CSMD1: variants seen among roughly 807,000 people sequenced by gnomAD.
CSMD1 encodes the protein CUB and sushi domain-containing protein 1.
A neutral mutation model predicts 417.5 loss-of-function variants in CSMD1; 213 were observed. That is an observed-to-expected ratio of 0.51 (90% CI 0.46 to 0.57). The LOEUF (loss-of-function observed/expected upper bound fraction) is 0.57. Ranked by LOEUF, CSMD1 falls within the 20% of genes least tolerant of loss-of-function variation. The probability of loss-of-function intolerance (pLI) is 0.00; values close to 1 mark genes in which losing one functional copy is unlikely to be tolerated. For missense variants in CSMD1, 6,923 were observed against 4,529.7 expected (o/e 1.53, Z -15.17); for synonymous variants, 2,862 against 1,736.8 (o/e 1.65, Z -16.11).
chr8:3,693,796 T>C (rs1418069524), intron 7 of CSMD1, among the ~76,000 whole-genome samples: 1 of 151,574 alleles, frequency 6.6e-6, no homozygotes, highest in Admixed American at 6.6e-5. Context: ...TGTGTTGGCG[T>C]CGTGTGTGTG....
At chr8:4,232,609 G>C (rs907550668) in intron 3 of CSMD1, among the ~76,000 whole-genome samples, 1 of 152,132 alleles carries the variant, frequency 6.6e-6, no homozygotes, top group East Asian at 1.9e-4. Context: ...ACAGTGTCAT[G>C]TCTTGCTGCA....
At chr8:4,524,474 G>A (rs1055897612) in intron 2 of CSMD1, among the ~76,000 whole-genome samples, 1 of 152,154 alleles carries the variant, frequency 6.6e-6, no homozygotes, top group African/African-American at 2.4e-5. Flanking sequence ...GCTGAGTGAG[G>A]CCACGTTGGT....
At chr8:4,467,649 C>T (rs887289440) in intron 2 of CSMD1, among the ~76,000 whole-genome samples, 41 of 152,196 alleles carry the variant, frequency 2.7e-4, no homozygotes, top group Admixed American at 9.8e-4. Flanking sequence ...CTTGTTTTAC[C>T]TTTCTTGTCC....
intron 2 of CSMD1, among the ~76,000 whole-genome samples, chr8:4,612,846 G>A (rs1345504154): frequency 6.6e-6 from 1 of 152,148 alleles, no homozygotes; most frequent in Non-Finnish European, 1.5e-5. Context: ...CTAAACAAGA[G>A]CACAAACCTG....
intron 1 of CSMD1, among the ~76,000 whole-genome samples, chr8:4,925,569 C>T (rs867633020): frequency 1.4e-5 from 2 of 147,268 alleles, no homozygotes; most frequent in East Asian, 4.0e-4. Flanking sequence ...TTTTTTGAGA[C>T]GGAGTCTCGC....
intron 62 of CSMD1, among the ~76,000 whole-genome samples, chr8:2,959,880 T>C (rs1032362428): frequency 2.0e-5 from 3 of 152,190 alleles, no homozygotes; most frequent in Non-Finnish European, 4.4e-5. Flanking sequence ...TAAAACATGG[T>C]GTCTGGGCTC....
chr8:3,151,640 C>T (rs1819202708), intron 39 of CSMD1, 127 bp from the exon 40 acceptor site: 1 of 635,506 alleles, frequency 1.6e-6, no homozygotes, highest in Admixed American at 2.6e-5. Context: ...CCCCTAATTA[C>T]AGCACACGAT....
At chr8:3,983,338 G>C (rs1014808387) in intron 5 of CSMD1, among the ~76,000 whole-genome samples, 1 of 151,932 alleles carries the variant, frequency 6.6e-6, no homozygotes, top group Non-Finnish European at 1.5e-5. Flanking sequence ...CACCGTGTTG[G>C]CCAGGATGGT....
rs531972368 is a variant in CSMD1 at position 4,542,822 on chromosome 8, T to A, written c.302+94520A>T. Among the ~76,000 whole-genome samples, 5 of 152,326 alleles carry A rather than the reference T, an allele frequency of 3.3e-5. No homozygotes were observed. The Middle Eastern group carries it at 0.017, about 518-fold the overall frequency. ...CAAGAAATATAACATGATTATATTA[T>A]TAAATATTTGTAAATAAAGAAAAAA... On this transcript the variant is annotated intron_variant, in intron 2 of 69. Transcript: ENST00000635120.
intron 2 of CSMD1, among the ~76,000 whole-genome samples, chr8:4,563,521 C>T (rs759288103): frequency 3.3e-5 from 5 of 152,210 alleles, no homozygotes; most frequent in Non-Finnish European, 7.3e-5. Context: ...TGCCCTGCCC[C>T]ACGCACTGAT....
At chr8:4,033,130 G>GAGA (rs1554521980) in intron 3 of CSMD1, among the ~76,000 whole-genome samples, 46 of 80,650 alleles carry the variant, frequency 5.7e-4, no homozygotes, top group African/African-American at 2.3e-3. Flanking sequence ...TTTCCAATAT[G>GAGA]AAAAAAAAAA....
At chr8:3,074,109 G>A (rs1009073707) in intron 49 of CSMD1, among the ~76,000 whole-genome samples, 6 of 152,194 alleles carry the variant, frequency 3.9e-5, no homozygotes, top group East Asian at 3.9e-4. Context: ...GCAGAAATAC[G>A]TTTCTTGCAT....
chr8:4,796,730 C>T (rs1798001801), intron 1 of CSMD1, among the ~76,000 whole-genome samples: 1 of 152,166 alleles, frequency 6.6e-6, no homozygotes, highest in African/African-American at 2.4e-5. Context: ...GCTCAAAATC[C>T]CTCCCATTTT....
intron 5 of CSMD1, among the ~76,000 whole-genome samples, chr8:3,923,881 T>C (rs1430219813): frequency 6.6e-6 from 1 of 152,212 alleles, no homozygotes; most frequent in Non-Finnish European, 1.5e-5. Context: ...TTTCTTTGCT[T>C]GTAGCTATTT....
intron 5 of CSMD1, among the ~76,000 whole-genome samples, chr8:3,909,411 G>C (rs945904165): frequency 1.3e-5 from 2 of 152,128 alleles, no homozygotes; most frequent in Non-Finnish European, 2.9e-5. Flanking sequence ...ATGAGCTCAA[G>C]GGTGCCGAGG....
At chr8:3,642,078 C>T (rs1797335597) in intron 7 of CSMD1, among the ~76,000 whole-genome samples, 1 of 151,764 alleles carries the variant, frequency 6.6e-6, no homozygotes, top group Non-Finnish European at 1.5e-5. Flanking sequence ...ACACTGAGGG[C>T]AAAGGATACA....
At chr8:4,718,045 A>T (rs929998385) in intron 1 of CSMD1, among the ~76,000 whole-genome samples, 2 of 152,086 alleles carry the variant, frequency 1.3e-5, no homozygotes, top group Non-Finnish European at 2.9e-5. Flanking sequence ...TGGCACAATC[A>T]CAGCTCCCTG....
intron 2 of CSMD1, among the ~76,000 whole-genome samples, chr8:4,465,217 A>G (rs912314372): frequency 6.6e-6 from 1 of 152,192 alleles, no homozygotes; most frequent in Non-Finnish European, 1.5e-5. Context: ...CATAAAGTAT[A>G]CACATTTGCT....
intron 25 of CSMD1, among the ~76,000 whole-genome samples, chr8:3,304,987 TTTTACATTACTCAAA>T (rs1241953719): frequency 6.6e-6 from 1 of 152,202 alleles, no homozygotes; most frequent in African/African-American, 2.4e-5. Flanking sequence ...TGGAAGTGGT[TTTTACATTACTCAAA>T]TCTAGCATTT....
Sources: allele counts gnomAD v4.1 joint callset (sites outside exome capture counted in the v4.1 genomes callset), GRCh38; gene constraint gnomAD v4.1.1; transcripts MANE v1.5; gene names NCBI Gene and HGNC (gene_info 2026-07-23, HGNC 2026-07-21).